SCARB2: variants seen among roughly 807,000 people sequenced by gnomAD.
SCARB2 encodes the protein scavenger receptor class B member 2.
SCARB2 carries 29 observed loss-of-function variants against 58.6 expected under a neutral mutation model. The observed-to-expected ratio is 0.49, with a 90% CI of 0.37 to 0.67. The LOEUF is 0.67. Among genes scored for constraint, SCARB2 ranks in the 30% least tolerant of loss-of-function variants. The probability of loss-of-function intolerance (pLI) is 0.00; values close to 1 mark genes in which losing one functional copy is unlikely to be tolerated. For synonymous variants in SCARB2, 195 were observed against 210.1 expected (o/e 0.93, Z 0.62); for missense variants, 488 against 578.5 (o/e 0.84, Z 1.60).
intron 7 of SCARB2, among the ~76,000 whole-genome samples, chr4:76,172,200 G>GTA (rs139162026): frequency 1.0e-4 from 15 of 147,114 alleles, no homozygotes; most frequent in Non-Finnish European, 1.6e-4. Context: ...TTTGTCAGTT[G>GTA]TATATATATA....
Position 76,174,242 on chromosome 4 carries a change from G to C in SCARB2, c.896C>G (p.Ala299Gly). 1.2e-6 allele frequency: 2 copies of C among 1,614,148 alleles called. No homozygotes were observed. Among genetic ancestry groups the C allele is most frequent in the Middle Eastern group, 1.6e-4 (1 of 6,062 alleles). Residue 299 changes from alanine to glycine, a missense_variant, in exon 7 of 12, where the codon GCA (alanine) becomes GGA (glycine). Physicochemically the swap from Ala to Gly is moderately conservative, Grantham distance 60 (BLOSUM62 0). Coordinates refer to ENST00000264896, the MANE Select transcript of SCARB2 (RefSeq NM_005506.4). ...GLPAFRYKVP[A>G]EILANTSDNA... ...GTCTGACGTATTGGCTAATATTTCT[G>C]CAGGAACTTTATACCGAAAGGCAGG...
At chr4:76,166,660 C>G in intron 9 of SCARB2, 1 of 371,422 alleles carries the variant, frequency 2.7e-6, no homozygotes, top group South Asian at 2.5e-5. Flanking sequence ...CAAGAGCCAA[C>G]TGAGCATGTA....
intron 1 of SCARB2, among the ~76,000 whole-genome samples, chr4:76,221,685 T>C (rs147138954): frequency 1.3e-5 from 2 of 152,334 alleles, no homozygotes; most frequent in East Asian, 1.9e-4. Context: ...TTATCACTTA[T>C]TAGCTAAAGA....
chr4:76,195,877 CA>C lies in SCARB2; in HGVS notation c.118-14del. 1 of 1,603,978 alleles carries C rather than the reference CA, an allele frequency of 6.2e-7. No homozygotes were observed. Among genetic ancestry groups the C allele is most frequent in the Non-Finnish European group, 8.5e-7 (1 of 1,175,984 alleles). On this transcript the variant is annotated splice_polypyrimidine_tract_variant and intron_variant, in intron 1 of 11. Transcript: ENST00000264896. ...TTAACACAATTTTCTAGGAAAAAAC[CA>C]AAAGGAGATTTACAAAAATGTAAGG...
In SCARB2 at chr4:76,204,523, G is replaced by T. The variant is rs184590973; in HGVS notation, c.118-8659C>A. Among the ~76,000 whole-genome samples, 414 of 152,240 alleles carry T rather than the reference G, an allele frequency of 2.7e-3. 1 individual carries two copies. The highest frequency in any genetic ancestry group is 9.5e-3 in the African/African-American group (395 of 41,546). ...ACAAAATACCCACTAACTTATTTTT[G>T]AAAGTTTCTAGGTGATTACAAATGT... On this transcript the variant is annotated intron_variant, in intron 1 of 11. Transcript: ENST00000264896.
At chr4:76,178,005 T>C (rs1484755055) in intron 4 of SCARB2, among the ~76,000 whole-genome samples, 1 of 152,206 alleles carries the variant, frequency 6.6e-6, no homozygotes, top group Non-Finnish European at 1.5e-5. Flanking sequence ...ATTGTACATT[T>C]TAAAATGGTA....
At position 76,166,276 on chromosome 4, in the gene SCARB2, C is replaced by A. The variant is rs1298164273; in HGVS notation, c.1213G>T (p.Val405Phe). 6.2e-7 allele frequency: 1 copy of A among 1,614,138 alleles called. No individual in the cohort carries two copies. Among genetic ancestry groups the A allele is most frequent in the South Asian group, 1.1e-5 (1 of 91,080 alleles). Residue 405 changes from valine to phenylalanine, a missense_variant, in exon 10 of 12, where the codon GTT becomes TTT. Val to Phe is a conservative substitution (Grantham distance 50, BLOSUM62 -1). Coordinates refer to ENST00000264896, the MANE Select transcript of SCARB2 (RefSeq NM_005506.4). ...FVETGDIRTMVFPVMYLNESV... is the reference protein window; with the variant it reads ...FVETGDIRTMFFPVMYLNESV... ...TCATTGAGGTACATCACTGGGAAAA[C>A]CATGGTTCTAATGTCTCCCGTTTCA...
At chr4:76,208,821 G>A (rs1732982758) in intron 1 of SCARB2, among the ~76,000 whole-genome samples, 2 of 152,178 alleles carry the variant, frequency 1.3e-5, no homozygotes, top group Admixed American at 1.3e-4. Flanking sequence ...GATACATTGT[G>A]GTCTGTAAGG....
At chr4:76,187,070 A>T (rs186892531) in intron 2 of SCARB2, among the ~76,000 whole-genome samples, 3 of 152,314 alleles carry the variant, frequency 2.0e-5, no homozygotes, top group African/African-American at 7.2e-5. Context: ...ATAGGACAGA[A>T]TTAGACAGTA....
chr4:76,210,909 T>C (rs2109971620), intron 1 of SCARB2, among the ~76,000 whole-genome samples: 1 of 152,272 alleles, frequency 6.6e-6, no homozygotes, highest in African/African-American at 2.4e-5. Context: ...CTTTTTGACA[T>C]AGACAAGTCG....
At chr4:76,189,065 T>G (rs1351941087) in intron 2 of SCARB2, among the ~76,000 whole-genome samples, 5 of 152,192 alleles carry the variant, frequency 3.3e-5, no homozygotes, top group Non-Finnish European at 5.9e-5. Context: ...ATAGTGTTAG[T>G]TTTTCCATGT....
Position 76,161,541 on chromosome 4 carries a change from C to CA in SCARB2, c.*171dup. The CA allele has an allele frequency of 1.5e-6, 1 of 676,546 alleles. No individual in the cohort carries two copies. Among genetic ancestry groups the CA allele is most frequent in the South Asian group, 1.7e-5 (1 of 59,044 alleles). 41.9% of individuals were successfully genotyped at this position (676,546 alleles called of 1,614,324 possible). A position where few individuals can be genotyped will look rare whatever the true frequency, so the allele number is the denominator to read the frequency against. On this transcript the variant is annotated 3_prime_UTR_variant, in exon 12 of 12. Transcript: ENST00000264896. ...GATTTTATAAAGCTTAATGGCCAGC[C>CA]ATGTCAGCCTGCTCTTTAACCTCTG...
rs1732241771 is a variant in SCARB2 at position 76,175,877 on chromosome 4, A to G, written c.738T>C (p.Asn246=). 5.6e-6 allele frequency: 9 copies of G among 1,613,856 alleles called. No homozygotes were observed. The highest frequency in any genetic ancestry group is 7.6e-6 in the Non-Finnish European group (9 of 1,179,964). ...SLDWWITDKC[N]MINGTDGDSF... ...AATCTCCATCTGTTCCATTAATCAT[A>G]TTGCACTTGTCTGTTATCCACCAGT... The change falls in exon 6 of 12, where the codon AAT becomes AAC. Residue 246 remains asparagine (N), a synonymous_variant. Coordinates refer to ENST00000264896, the MANE Select transcript of SCARB2 (RefSeq NM_005506.4).
intron 4 of SCARB2, among the ~76,000 whole-genome samples, chr4:76,177,348 A>G (rs1053405386): frequency 5.9e-5 from 9 of 152,118 alleles, no homozygotes; most frequent in Non-Finnish European, 8.8e-5. Flanking sequence ...TTAAAAAAAA[A>G]AAAAAGAAAA....
intron 4 of SCARB2, chr4:76,179,204 T>C: frequency 2.7e-6 from 1 of 364,726 alleles, no homozygotes; most frequent in Admixed American, 3.8e-5. Context: ...CAGGTGTACA[T>C]CACCACAGCT....
chr4:76,214,103 C>G, upstream of SCARB2: 1 of 405,034 alleles, frequency 2.5e-6, no homozygotes, highest in South Asian at 1.8e-5. Context: ...TTCACACACT[C>G]ATTTACTCAT....
chr4:76,163,026 C>G (rs143954645), intron 11 of SCARB2, 199 bp downstream of exon 11: 1 of 666,244 alleles, frequency 1.5e-6, no homozygotes, highest in African/African-American at 1.8e-5. Context: ...ATGGTACCTT[C>G]TAACCCTCCA....
rs189754218 is a variant in SCARB2, at chr4:76,229,987, C to G, written c.-358+4316G>C. ...ATCTCCAGCCAGGAGGTGGTGCTTT[C>G]AAGAGAGCACCAGCTACGATAGTAG... On this transcript the variant is annotated intron_variant, in intron 1 of 11. Coordinates refer to the SCARB2 transcript ENST00000638295. 1.2e-3 allele frequency among the ~76,000 whole-genome samples: 190 copies of G among 152,242 alleles called. 1 individual carries two copies. In the East Asian group the frequency reaches 0.031, roughly 25 times the overall value.
At chr4:76,197,111 C>CAAGGTA (rs1387796761) in intron 1 of SCARB2, among the ~76,000 whole-genome samples, 62 of 152,292 alleles carry the variant, frequency 4.1e-4, no homozygotes, top group African/African-American at 1.4e-3. Context: ...CTGCCAATAC[C>CAAGGTA]TTGATCTCAG....
Sources: gnomAD v4.1 joint callset for allele counts (sites outside exome capture counted in the v4.1 genomes callset) on GRCh38, gnomAD v4.1.1 for gene constraint, MANE v1.5 for transcripts, NCBI Gene and HGNC (gene_info 2026-07-23, HGNC 2026-07-21) for gene names.